ZNF717: variants seen among roughly 807,000 people sequenced by gnomAD.
ZNF717 encodes the protein zinc finger protein 717, also known as krueppel-like factor X17.
A neutral mutation model predicts 13.8 loss-of-function variants in ZNF717; 9 were observed. The observed-to-expected ratio is 0.65, with a 90% CI of 0.39 to 1.14. The LOEUF is 1.14. Among genes scored for constraint, ZNF717 ranks in the 50% most tolerant of loss-of-function variants. The pLI, the probability that ZNF717 is intolerant of heterozygous loss-of-function variation, is 0.01. For missense variants in ZNF717, 1,040 were observed against 1,080.7 expected (o/e 0.96, Z 0.53); for synonymous variants, 327 against 364.1 (o/e 0.90, Z 1.16).
intron 3 of ZNF717, 114 bp downstream of exon 3, chr3:75,741,496 C>T (rs1575783646): frequency 7.1e-7 from 1 of 1,416,122 alleles, no homozygotes. Flanking sequence ...AGAGTAGTGA[C>T]ACATTTTTCA....
intron 2 of ZNF717, among the ~76,000 whole-genome samples, chr3:75,745,486 C>T (rs1294865842): frequency 1.3e-5 from 2 of 152,100 alleles, no homozygotes; most frequent in African/African-American, 2.4e-5. Flanking sequence ...CTGGTGAATA[C>T]ACGTAACATT....
chr3:75,770,611 G>A (rs1166049001), intron 2 of ZNF717, among the ~76,000 whole-genome samples: 1 of 152,112 alleles, frequency 6.6e-6, no homozygotes, highest in African/African-American at 2.4e-5. Context: ...AAGTAACAGG[G>A]CTTGACACCA....
downstream of ZNF717, among the ~76,000 whole-genome samples, chr3:75,704,732 G>C (rs1293512039): frequency 1.3e-5 from 2 of 152,308 alleles, no homozygotes; most frequent in African/African-American, 4.8e-5. Context: ...CAGCGCCTCA[G>C]TTTTGTAGTA....
At chr3:75,774,189 C>CAAAAAAAAAAA (rs528249551) in intron 2 of ZNF717, among the ~76,000 whole-genome samples, 1 of 130,244 alleles carries the variant, frequency 7.7e-6, no homozygotes. Flanking sequence ...AATAAACTAC[C>CAAAAAAAAAAA]AAAAAAAAAA....
chr3:75,722,064 G>A lies in ZNF717; in HGVS notation n.545-5523C>T, dbSNP rs1405209763. On this transcript the variant is annotated intron_variant and non_coding_transcript_variant, in intron 4 of 5. Coordinates refer to the ZNF717 transcript ENST00000491507. The stretch of plus-strand genomic sequence containing the variant: ...AGATCAAGACCATCCTGGCCAACAC[G>A]TTGAAACCCCATCTCTACTAAAAAT... 2.7e-5 allele frequency among the ~76,000 whole-genome samples: 4 copies of A among 147,306 alleles called. No individual in the cohort carries two copies. In the East Asian group the frequency reaches 6.1e-4, roughly 22 times the overall value.
At chr3:75,761,936 C>A (rs1943054036) in intron 2 of ZNF717, among the ~76,000 whole-genome samples, 2 of 152,186 alleles carry the variant, frequency 1.3e-5, no homozygotes, top group Non-Finnish European at 2.9e-5. Context: ...CACCTGTAGT[C>A]CCAGCTGCTT....
rs878883937 is a variant in ZNF717 at position 75,738,199 on chromosome 3, CCT to C, written c.1422_1423del (p.Glu476LysfsTer4). 1.5e-4 allele frequency: 236 copies of C among 1,560,370 alleles called. No homozygotes were observed. In the African/African-American group the frequency reaches 1.9e-3, roughly 12 times the overall value. Reference sequence around the variant, plus strand: ...TTCATTGCATTCATAGGGTTTTTCCCCTGTGTGAGTTCTCTGATGTAACCTGA... The same window carrying C: ...TTCATTGCATTCATAGGGTTTTTCCCGTGTGAGTTCTCTGATGTAACCTGA... On this transcript the variant is annotated frameshift_variant, in exon 5 of 5. Transcript: ENST00000652011. LOFTEE classifies it low-confidence loss of function (END_TRUNC).
chr3:75,741,605 C>T lies in ZNF717; in HGVS notation c.184+5G>A, dbSNP rs1269525945. On this transcript the variant is annotated splice_donor_5th_base_variant and intron_variant, in intron 3 of 4. Transcript: ENST00000652011. ...TCCTGGGAGTTACTGGCAAGTTTCA[C>T]TCACCCAATGATACCAGGCTGCTGT... is the stretch of plus-strand genomic sequence containing the variant. 12 of 1,607,942 alleles carry T rather than the reference C, an allele frequency of 7.5e-6. No individual in the cohort carries two copies. Among genetic ancestry groups the T allele is most frequent in the African/African-American group, 1.3e-5 (1 of 74,810 alleles).
chr3:75,763,619 G>A (rs1246463671), intron 2 of ZNF717, among the ~76,000 whole-genome samples: 2 of 152,244 alleles, frequency 1.3e-5, no homozygotes, highest in South Asian at 2.1e-4. Flanking sequence ...TTAGGGCAGA[G>A]TAAGTGCTAG....
downstream of ZNF717, among the ~76,000 whole-genome samples, chr3:75,708,762 G>T (rs368361416): frequency 4.6e-5 from 7 of 152,162 alleles, no homozygotes; most frequent in African/African-American, 1.7e-4. Context: ...CCAATACAGA[G>T]AAGAGCATTG....
intron 2 of ZNF717, among the ~76,000 whole-genome samples, chr3:75,746,126 T>C (rs1941149362): frequency 6.6e-6 from 1 of 152,206 alleles, no homozygotes; most frequent in Non-Finnish European, 1.5e-5. Flanking sequence ...ATGTGGTGTT[T>C]GGTTTTTTGT....
At chr3:75,783,209 GT>G (rs1314032025) in intron 2 of ZNF717, 96 bp downstream of exon 2, 3 of 942,446 alleles carry the variant, frequency 3.2e-6, no homozygotes, top group Non-Finnish European at 5.0e-6. Flanking sequence ...TTCAACCTGA[GT>G]TTTACTTATT....
At chr3:75,779,169 C>A (rs545475086) in intron 2 of ZNF717, among the ~76,000 whole-genome samples, 1 of 151,934 alleles carries the variant, frequency 6.6e-6, no homozygotes, top group African/African-American at 2.4e-5. Flanking sequence ...AAACCGGAAC[C>A]CAAAACAATG....
rs146956462 is a variant in ZNF717, at chr3:75,774,375, T to C, written c.57+8931A>G. On this transcript the variant is annotated intron_variant, in intron 2 of 4. Coordinates refer to ENST00000652011, the MANE Select transcript of ZNF717 (RefSeq NM_001290208.3). ...GTGTTTAAACCTTTAATATATTTAA[T>C]AGGCTTCCCAAAATCAAATTTCAAC... Among the ~76,000 whole-genome samples the C allele has an allele frequency of 5.7e-3, 866 of 152,212 alleles. 8 individuals carry two copies. Among genetic ancestry groups the C allele is most frequent in the Admixed American group, 0.041 (634 of 15,282 alleles).
chr3:75,717,135 A>G (rs1183605056), intron 4 of ZNF717, among the ~76,000 whole-genome samples: 5 of 151,792 alleles, frequency 3.3e-5, no homozygotes, highest in African/African-American at 1.2e-4. Context: ...GCTAAATACA[A>G]AAGACAAGCT....
rs1939588941 is a variant in ZNF717, at chr3:75,737,749, CCA to C, written c.1872_1873del (p.Cys624TrpfsTer26). The C allele has an allele frequency of 6.4e-7, 1 of 1,551,138 alleles. No homozygotes were observed. Among genetic ancestry groups the C allele is most frequent in the Non-Finnish European group, 8.7e-7 (1 of 1,146,478 alleles). On this transcript the variant is annotated frameshift_variant, in exon 5 of 5. Coordinates refer to ENST00000652011, the MANE Select transcript of ZNF717 (RefSeq NM_001290208.3). LOFTEE classifies it low-confidence loss of function (END_TRUNC). ...ATTTGACTTCTGACGAAAGGTTTTT[CCA>C]CATTCATTACATTCATAGGGTCTTT...
intron 2 of ZNF717, among the ~76,000 whole-genome samples, chr3:75,779,871 A>G (rs574933011): frequency 9.9e-5 from 15 of 152,174 alleles, no homozygotes; most frequent in Non-Finnish European, 1.9e-4. Flanking sequence ...ACCGGAACCC[A>G]AAACAATGGG....
chr3:75,753,464 A>G (rs1575853433), intron 2 of ZNF717, among the ~76,000 whole-genome samples: 1 of 149,040 alleles, frequency 6.7e-6, no homozygotes, highest in Non-Finnish European at 1.5e-5. Flanking sequence ...TCCCTCACAT[A>G]GGATTCCAGA....
intron 1 of ZNF717, among the ~76,000 whole-genome samples, chr3:75,783,783 A>G (rs1195640008): frequency 1.3e-5 from 2 of 152,228 alleles, no homozygotes; most frequent in Non-Finnish European, 1.5e-5. Flanking sequence ...GAGTGTTCCC[A>G]TGACAGTACA....
Sources: allele counts gnomAD v4.1 joint callset (sites outside exome capture counted in the v4.1 genomes callset), GRCh38; gene constraint gnomAD v4.1.1; transcripts MANE v1.5; gene names NCBI Gene and HGNC (gene_info 2026-07-23, HGNC 2026-07-21).